TMC1: variants seen among roughly 807,000 people sequenced by gnomAD.
TMC1 encodes the protein transmembrane channel like 1.
In TMC1, 84 loss-of-function variants were observed where a neutral mutation model predicts 105.8. The observed-to-expected ratio is 0.79, with a 90% CI of 0.67 to 0.95. The LOEUF is 0.95. TMC1 is among the 40% of genes least tolerant of loss of function. The probability of loss-of-function intolerance (pLI) is 0.00; values close to 1 mark genes in which losing one functional copy is unlikely to be tolerated. For synonymous variants in TMC1, 315 were observed against 311.5 expected, an observed-to-expected ratio of 1.01 and a Z score of -0.12; for missense variants, 817 against 914.1, an observed-to-expected ratio of 0.89 and a Z score of 1.37.
At chr9:72,778,981 A>T (rs1828048616) in intron 13 of TMC1, among the ~76,000 whole-genome samples, 1 of 152,192 alleles carries the variant, frequency 6.6e-6, no homozygotes, top group African/African-American at 2.4e-5. Context: ...TGCCACCAAC[A>T]CATGAGCACA....
At position 72,685,579 on chromosome 9, in the gene TMC1, G is replaced by T. The variant is rs1826367606; in HGVS notation, c.17-3130G>T. On this transcript the variant is annotated intron_variant, in intron 5 of 23. Coordinates refer to ENST00000297784, the MANE Select transcript of TMC1 (RefSeq NM_138691.3). ...GGGTTTCACCTTGCTGTCCAGGCTG[G>T]TCTTAAACTCCTGACCTCAAGTGAT... 3.3e-5 allele frequency among the ~76,000 whole-genome samples: 5 copies of T among 152,056 alleles called. 1 individual carries two copies. In the South Asian group the frequency reaches 1.0e-3, roughly 32 times the overall value.
chr9:72,654,854 A>ATAAC (rs1476629138), intron 5 of TMC1, among the ~76,000 whole-genome samples: 2 of 152,036 alleles, frequency 1.3e-5, no homozygotes, highest in African/African-American at 4.8e-5. Context: ...TTCTGCCTGA[A>ATAAC]TAACTACCTT....
intron 5 of TMC1, among the ~76,000 whole-genome samples, chr9:72,654,335 A>G (rs1825854047): frequency 6.6e-6 from 1 of 152,208 alleles, no homozygotes; most frequent in African/African-American, 2.4e-5. Flanking sequence ...ACTTCATTGT[A>G]GTTTTAGTTC....
intron 4 of TMC1, among the ~76,000 whole-genome samples, chr9:72,640,532 A>C (rs1418055104): frequency 6.6e-6 from 1 of 152,238 alleles, no homozygotes; most frequent in African/African-American, 2.4e-5. Context: ...GTATGTCAAG[A>C]ATCAGGCAAC....
intron 1 of TMC1, among the ~76,000 whole-genome samples, chr9:72,524,373 CT>C (rs1823367349): frequency 6.6e-6 from 1 of 152,130 alleles, no homozygotes; most frequent in African/African-American, 2.4e-5. Flanking sequence ...GGATCAGTGT[CT>C]TTTTAGTATT....
At chr9:72,703,962 A>G (rs1219334772) in intron 8 of TMC1, among the ~76,000 whole-genome samples, 1 of 152,106 alleles carries the variant, frequency 6.6e-6, no homozygotes, top group African/African-American at 2.4e-5. Context: ...TGAATGCTCT[A>G]TTGAGCTTTT....
intron 20 of TMC1, among the ~76,000 whole-genome samples, chr9:72,822,337 A>C (rs748173941): frequency 3.3e-5 from 5 of 152,200 alleles, no homozygotes; most frequent in Non-Finnish European, 5.9e-5. Context: ...TATTTAATTA[A>C]AGTCAAAAGG....
intron 8 of TMC1, among the ~76,000 whole-genome samples, chr9:72,730,258 A>C (rs961564452): frequency 6.6e-6 from 1 of 151,976 alleles, no homozygotes; most frequent in African/African-American, 2.4e-5. Flanking sequence ...AGGGGGTTTT[A>C]GTTTCTACGG....
intron 11 of TMC1, among the ~76,000 whole-genome samples, chr9:72,754,107 T>TA (rs2118064719): frequency 6.6e-6 from 1 of 152,234 alleles, no homozygotes; most frequent in African/African-American, 2.4e-5. Context: ...CTTGGTAAGC[T>TA]ATGGGGGCTA....
At chr9:72,573,917 T>C (rs1824330769) in intron 1 of TMC1, among the ~76,000 whole-genome samples, 1 of 152,222 alleles carries the variant, frequency 6.6e-6, no homozygotes, top group African/African-American at 2.4e-5. Flanking sequence ...TCAATAGTTA[T>C]CTTTTCTGCT....
At chr9:72,817,908 T>C (rs1828812342) in intron 19 of TMC1, among the ~76,000 whole-genome samples, 1 of 152,182 alleles carries the variant, frequency 6.6e-6, no homozygotes, top group African/African-American at 2.4e-5. Context: ...AAGAGAATAT[T>C]GAGTTTTTTG....
Position 72,577,902 on chromosome 9 carries a change from A to G in TMC1, c.-427A>G, listed in dbSNP as rs1824411449. On this transcript the variant is annotated splice_region_variant and 5_prime_UTR_variant, in exon 2 of 24. An upstream start codon of the reference 5' UTR is lost. Transcript: ENST00000297784. ...TATTTATTTATTTATTTATTTTCAG[A>G]TGGGATCTTACTCTGTTGCCCAGGC... is the stretch of plus-strand genomic sequence containing the variant. 5 of 151,964 alleles carry G rather than the reference A, an allele frequency of 3.3e-5. No homozygotes were observed. Among genetic ancestry groups the G allele is most frequent in the Admixed American group, 3.3e-4 (5 of 15,234 alleles). 9.4% of individuals were successfully genotyped at this position (151,964 alleles called of 1,614,324 possible). A position where few individuals can be genotyped will look rare whatever the true frequency, so the allele number is the denominator to read the frequency against.
intron 17 of TMC1, among the ~76,000 whole-genome samples, chr9:72,802,368 T>C (rs1259623168): frequency 6.6e-6 from 1 of 151,032 alleles, no homozygotes; most frequent in Non-Finnish European, 1.5e-5. Context: ...AGGAATACTA[T>C]CATTCATTCA....
intron 2 of TMC1, among the ~76,000 whole-genome samples, chr9:72,584,523 T>C (rs866333651): frequency 6.6e-6 from 1 of 151,946 alleles, no homozygotes; most frequent in East Asian, 1.9e-4. Flanking sequence ...CACCTTGGCC[T>C]CCCAAGGTGT....
At chr9:72,741,305 GTA>G (rs1827386085) in intron 9 of TMC1, 1 of 322,200 alleles carries the variant, frequency 3.1e-6, no homozygotes, top group Non-Finnish European at 5.8e-6. Context: ...CCACCTTATA[GTA>G]TTTCAGGACA....
chr9:72,701,446 G>T (rs1256581258), intron 8 of TMC1, among the ~76,000 whole-genome samples: 1 of 152,192 alleles, frequency 6.6e-6, no homozygotes, highest in Non-Finnish European at 1.5e-5. Flanking sequence ...GGAAAGGGCA[G>T]GGAAAAGGGA....
At chr9:72,579,258 A>T (rs528476027) in intron 2 of TMC1, among the ~76,000 whole-genome samples, 21 of 152,272 alleles carry the variant, frequency 1.4e-4, no homozygotes, top group African/African-American at 5.1e-4. Flanking sequence ...GGTTTCTCCT[A>T]ACTCTGTTAC....
In TMC1 at chr9:72,668,055, T is replaced by C. The variant is rs547382211; in HGVS notation, c.16+19391T>C. Among the ~76,000 whole-genome samples the C allele has an allele frequency of 5.5e-5, 8 of 145,106 alleles. No individual in the cohort carries two copies. The East Asian group carries it at 1.5e-3, about 28-fold the overall frequency. ...GTTAATATCTTTTTTCCTAGTTAGA[T>C]TGTGACATTTTGGAATAAAAGAAAA... On this transcript the variant is annotated intron_variant, in intron 5 of 23. Coordinates refer to ENST00000297784, the MANE Select transcript of TMC1 (RefSeq NM_138691.3).
chr9:72,609,058 TC>T (rs1002661146), intron 2 of TMC1, among the ~76,000 whole-genome samples: 3 of 152,024 alleles, frequency 2.0e-5, no homozygotes, highest in African/African-American at 7.2e-5. Flanking sequence ...CCTCCCTTAC[TC>T]CCCTCCTCTT....
Sources: allele counts gnomAD v4.1 joint callset (sites outside exome capture counted in the v4.1 genomes callset), GRCh38; gene constraint gnomAD v4.1.1; transcripts MANE v1.5; gene names NCBI Gene and HGNC (gene_info 2026-07-23, HGNC 2026-07-21).